ZDHHC9: variants seen among roughly 807,000 people sequenced by gnomAD.
ZDHHC9 encodes the protein zDHHC palmitoyltransferase 9.
Under a neutral mutation model 26.6 loss-of-function variants are expected in ZDHHC9, and 3 were observed. That is an observed-to-expected ratio of 0.11 (90% CI 0.05 to 0.29). The LOEUF is 0.29. Ranked by LOEUF, ZDHHC9 falls within the 10% of genes least tolerant of loss-of-function variation. ZDHHC9 has a pLI of 1.00. For synonymous variants in ZDHHC9, 111 were observed against 109.4 expected, an observed-to-expected ratio of 1.01 and a Z score of -0.09; for missense variants, 146 against 296.4, an observed-to-expected ratio of 0.49 and a Z score of 3.73.
intron 3 of ZDHHC9, among the ~76,000 whole-genome samples, chrX:129,840,180 G>C (rs1928347927): frequency 9.1e-6 from 1 of 109,295 alleles, no homozygotes; most frequent in Admixed American, 9.9e-5. Flanking sequence ...AGTACCCCTG[G>C]CCAGTCAAAC....
chrX:129,835,250 C>A (rs2124132445), intron 3 of ZDHHC9, among the ~76,000 whole-genome samples: 1 of 110,476 alleles, frequency 9.1e-6, no homozygotes, highest in African/African-American at 3.3e-5. Context: ...AGTTCAAGAC[C>A]AGCCTGGGCA....
chrX:129,813,795 G>T, intron 6 of ZDHHC9, 70 bp from the exon 7 acceptor site: 1 of 969,393 alleles, frequency 1.0e-6, no homozygotes, highest in Non-Finnish European at 1.5e-6. Flanking sequence ...CTATCCTAGT[G>T]CCTACTCACT....
At chrX:129,817,313 G>A (rs773947321) in intron 5 of ZDHHC9, among the ~76,000 whole-genome samples, 3 of 111,068 alleles carry the variant, frequency 2.7e-5, no homozygotes, top group South Asian at 3.9e-4. Flanking sequence ...TCCGTGGGTC[G>A]TGGTGGTGCA....
intron 3 of ZDHHC9, among the ~76,000 whole-genome samples, chrX:129,829,705 C>T (rs1025181416): frequency 8.9e-6 from 1 of 112,010 alleles, no homozygotes; most frequent in Non-Finnish European, 1.9e-5. Context: ...TTCCTCTGGT[C>T]TCCTCAATTA....
At chrX:129,807,765 G>A (rs1317606616) in intron 10 of ZDHHC9, among the ~76,000 whole-genome samples, 1 of 111,598 alleles carries the variant, frequency 9.0e-6, no homozygotes, top group African/African-American at 3.3e-5. Context: ...GTTGCAGTGA[G>A]CCAAGATGGC....
At chrX:129,819,684 A>C (rs1243744545) in intron 5 of ZDHHC9, among the ~76,000 whole-genome samples, 1 of 109,021 alleles carries the variant, frequency 9.2e-6, no homozygotes, top group African/African-American at 3.4e-5. Flanking sequence ...CTAATGTACG[A>C]ATGTCCTATT....
intron 3 of ZDHHC9, among the ~76,000 whole-genome samples, chrX:129,835,066 G>A (rs1384222727): frequency 8.9e-6 from 1 of 112,420 alleles, no homozygotes; most frequent in African/African-American, 3.2e-5. Flanking sequence ...GAGGCATTCA[G>A]TGGAGACTGA....
At chrX:129,823,572 A>G in intron 5 of ZDHHC9, 107 bp downstream of exon 5, 2 of 969,908 alleles carry the variant, frequency 2.1e-6, no homozygotes, top group Non-Finnish European at 2.9e-6. Context: ...AATCTAGTTC[A>G]TTTCTCATCT....
intron 3 of ZDHHC9, among the ~76,000 whole-genome samples, chrX:129,841,501 A>T (rs1266930241): frequency 4.5e-5 from 5 of 112,196 alleles, no homozygotes; most frequent in Non-Finnish European, 9.4e-5. Flanking sequence ...ACTAAAAGGG[A>T]GAGGTGAGTA....
At position 129,826,615 on chromosome X, in the gene ZDHHC9, T is replaced by C. The variant is rs539453228; in HGVS notation, c.328+2366A>G. ...CTCCATATGTGAATGGGAAGGGAACTGGAAAAGAATAATCCAGATGGAGAA... is the reference window on the plus strand; with the variant it reads ...CTCCATATGTGAATGGGAAGGGAACCGGAAAAGAATAATCCAGATGGAGAA... On this transcript the variant is annotated intron_variant, in intron 4 of 10. Coordinates refer to ENST00000357166, the MANE Select transcript of ZDHHC9 (RefSeq NM_016032.4). Among the ~76,000 whole-genome samples the C allele has an allele frequency of 7.3e-4, 81 of 111,020 alleles. No homozygotes were observed. The South Asian group carries it at 0.03, about 42-fold the overall frequency.
rs945009426 is a variant in ZDHHC9 at position 129,804,367 on chromosome X, T to C, written c.*2003A>G. On this transcript the variant is annotated 3_prime_UTR_variant, in exon 11 of 11. Coordinates refer to ENST00000357166, the MANE Select transcript of ZDHHC9 (RefSeq NM_016032.4). ...CCCCATCTCTCTTCCAATCTCTCTCTCTCTCTCTCTCTCAAGAATGCTCAA... is the reference window on the plus strand; with the variant it reads ...CCCCATCTCTCTTCCAATCTCTCTCCCTCTCTCTCTCTCAAGAATGCTCAA... 9.0e-6 allele frequency: 1 copy of C among 111,432 alleles called. No individual in the cohort carries two copies. The highest frequency in any genetic ancestry group is 1.9e-5 in the Non-Finnish European group (1 of 53,045). 9.2% of individuals were successfully genotyped at this position (111,432 alleles called of 1,213,427 possible). A position where few individuals can be genotyped will look rare whatever the true frequency, so the allele number is the denominator to read the frequency against.
chrX:129,842,525 T>G (rs569155985), intron 2 of ZDHHC9, among the ~76,000 whole-genome samples: 2 of 112,913 alleles, frequency 1.8e-5, no homozygotes, highest in South Asian at 7.3e-4. Flanking sequence ...TTCAACATCA[T>G]TAAAAGGACT....
In ZDHHC9 at chrX:129,823,805, G is replaced by C; in HGVS notation, c.361C>G (p.Arg121Gly). The C allele has an allele frequency of 5.0e-6, 6 of 1,210,510 alleles. No homozygotes were observed. Among genetic ancestry groups the C allele is most frequent in the Non-Finnish European group, 6.7e-6 (6 of 894,918 alleles). The change falls in exon 5 of 11, where the codon CGA becomes GGA. Residue 121 changes from arginine to glycine, a missense_variant. Arg to Gly is a moderately radical substitution (Grantham distance 125, BLOSUM62 -2). This residue lies in a region of ZDHHC9 where 100 missense variants were observed against 250.0 expected (regional missense o/e 0.40). Coordinates refer to ENST00000357166, the MANE Select transcript of ZDHHC9 (RefSeq NM_016032.4). ...ATNGAVPQGQRPPPRIKNFQI... is the reference protein window; with the variant it reads ...ATNGAVPQGQGPPPRIKNFQI... ...AAATTCTTGATACGAGGCGGTGGTC[G>C]CTGGCCCTGGGGCACCGCACCATTG...
At chrX:129,830,522 T>C (rs1278824392) in intron 3 of ZDHHC9, among the ~76,000 whole-genome samples, 1 of 112,013 alleles carries the variant, frequency 8.9e-6, no homozygotes, top group East Asian at 2.8e-4. Context: ...TGATCTGAAC[T>C]GAATTTCAAA....
chrX:129,805,444 G>A lies in ZDHHC9; in HGVS notation c.*926C>T, dbSNP rs1398624226. On this transcript the variant is annotated 3_prime_UTR_variant, in exon 11 of 11. Coordinates refer to ENST00000357166, the MANE Select transcript of ZDHHC9 (RefSeq NM_016032.4). ...TGCAGGCCTCACACAGGGAGTCTGAGGGGATAGTGTTTAAGTGAGCACTCA... is the reference window on the plus strand; with the variant it reads ...TGCAGGCCTCACACAGGGAGTCTGAAGGGATAGTGTTTAAGTGAGCACTCA... 1 of 111,420 alleles carries A rather than the reference G, an allele frequency of 9.0e-6. No individual in the cohort carries two copies. The highest frequency in any genetic ancestry group is 1.9e-5 in the Non-Finnish European group (1 of 52,855). 9.2% of individuals were successfully genotyped at this position (111,420 alleles called of 1,213,427 possible). A position where few individuals can be genotyped will look rare whatever the true frequency, so the allele number is the denominator to read the frequency against.
chrX:129,822,133 A>G (rs904915861), intron 5 of ZDHHC9, among the ~76,000 whole-genome samples: 7 of 111,128 alleles, frequency 6.3e-5, no homozygotes, highest in African/African-American at 2.0e-4. Flanking sequence ...AAATCATTCT[A>G]CCATAAAGAC....
chrX:129,821,083 C>T (rs1927872091), intron 5 of ZDHHC9, among the ~76,000 whole-genome samples: 1 of 111,593 alleles, frequency 9.0e-6, no homozygotes, highest in Admixed American at 9.6e-5. Flanking sequence ...TCAAAAACCA[C>T]ACTGAGATAC....
chrX:129,842,736 T>C (rs1928410886), intron 2 of ZDHHC9, among the ~76,000 whole-genome samples: 1 of 112,769 alleles, frequency 8.9e-6, no homozygotes, highest in South Asian at 3.6e-4. Flanking sequence ...TCAAACCCTC[T>C]GCAACTTCCT....
chrX:129,816,505 T>C (rs1927760861), intron 5 of ZDHHC9, among the ~76,000 whole-genome samples: 1 of 110,559 alleles, frequency 9.0e-6, no homozygotes, highest in Non-Finnish European at 1.9e-5. Context: ...CGACTGCACA[T>C]AAAACAAAAA....
Sources: gnomAD v4.1 joint callset for allele counts (sites outside exome capture counted in the v4.1 genomes callset) on GRCh38, gnomAD v4.1.1 for gene constraint, gnomAD v4.1.1 regional missense constraint, MANE v1.5 for transcripts, NCBI Gene and HGNC (gene_info 2026-07-23, HGNC 2026-07-21) for gene names.